KLHL32: variants seen among roughly 807,000 people sequenced by gnomAD.
The protein encoded by KLHL32 is kelch-like protein 32.
In KLHL32, 35 loss-of-function variants were observed where a neutral mutation model predicts 64.8. The ratio of observed to expected loss-of-function variants is 0.54; its 90% CI spans 0.41 to 0.72. KLHL32 has a LOEUF of 0.72. Ranked by LOEUF, KLHL32 falls within the 30% of genes least tolerant of loss-of-function variation. KLHL32 has a pLI of 0.00. For missense variants in KLHL32, 589 were observed against 768.5 expected (o/e 0.77, Z 2.76); for synonymous variants, 259 against 281.0 (o/e 0.92, Z 0.78).
chr6:97,118,316 A>G (rs965137964), intron 7 of KLHL32, among the ~76,000 whole-genome samples: 1 of 152,186 alleles, frequency 6.6e-6, no homozygotes, highest in Non-Finnish European at 1.5e-5. Context: ...TTTTACTTAC[A>G]TCTTGAGAAT....
intron 6 of KLHL32, among the ~76,000 whole-genome samples, chr6:97,092,617 G>C (rs985653351): frequency 2.6e-5 from 4 of 152,134 alleles, no homozygotes; most frequent in Non-Finnish European, 5.9e-5. Flanking sequence ...TATCCTTTGA[G>C]GGGCCCCTAG....
the KLHL32 span, among the ~76,000 whole-genome samples, chr6:96,905,681 C>A: frequency 6.6e-6 from 1 of 152,130 alleles, no homozygotes; most frequent in Admixed American, 6.5e-5. Flanking sequence ...AGTAAACATT[C>A]AAAAACTATT....
the KLHL32 span, among the ~76,000 whole-genome samples, chr6:96,917,199 T>A: frequency 6.6e-6 from 1 of 152,206 alleles, no homozygotes; most frequent in East Asian, 1.9e-4. Flanking sequence ...CAAACAAAAT[T>A]AAATGCTGGG....
intron 3 of KLHL32, among the ~76,000 whole-genome samples, chr6:97,017,531 A>G (rs572230086): frequency 6.6e-6 from 1 of 152,352 alleles, no homozygotes; most frequent in Non-Finnish European, 1.5e-5. Context: ...GGAAAAAAGG[A>G]TGGAAGACAG....
chr6:97,003,082 C>T (rs931460704), intron 3 of KLHL32, among the ~76,000 whole-genome samples: 2 of 152,140 alleles, frequency 1.3e-5, no homozygotes, highest in African/African-American at 4.8e-5. Flanking sequence ...AAGTTCTGTC[C>T]ACAATGGCTA....
intron 1 of KLHL32, among the ~76,000 whole-genome samples, chr6:96,933,026 G>A (rs1453410820): frequency 6.6e-6 from 1 of 152,188 alleles, no homozygotes; most frequent in East Asian, 1.9e-4. Flanking sequence ...GTTTGCAGAT[G>A]TGGGTGGAAT....
intron 7 of KLHL32, among the ~76,000 whole-genome samples, chr6:97,117,355 A>G (rs28589397): frequency 8.2e-4 from 125 of 152,274 alleles, no homozygotes; most frequent in Middle Eastern, 6.8e-3. Flanking sequence ...TGGGGGTAGT[A>G]TGGATTATAG....
intron 3 of KLHL32, among the ~76,000 whole-genome samples, chr6:96,983,499 T>A (rs116694214): frequency 0.046 from 6,766 of 148,532 alleles, no homozygotes; most frequent in Middle Eastern, 0.11. Context: ...AGCTGTGAAT[T>A]CATCTGGTGC....
At chr6:96,993,434 CAA>C (rs1204423388) in intron 3 of KLHL32, among the ~76,000 whole-genome samples, 1 of 152,180 alleles carries the variant, frequency 6.6e-6, no homozygotes. Context: ...CCTAAGAACA[CAA>C]GAGGACCAGC....
intron 1 of KLHL32, among the ~76,000 whole-genome samples, chr6:96,944,238 T>G (rs1329632109): frequency 6.6e-6 from 1 of 152,218 alleles, no homozygotes; most frequent in Non-Finnish European, 1.5e-5. Flanking sequence ...GAGGCATGCA[T>G]GAATTCAAGG....
chr6:96,915,040 G>A, the KLHL32 span: 1 of 152,088 alleles, frequency 6.6e-6, no homozygotes, highest in Non-Finnish European at 1.5e-5. Context: ...CCATTAAGAA[G>A]GTCAACCCTC....
At chr6:96,996,901 A>G (rs1045822278) in intron 3 of KLHL32, among the ~76,000 whole-genome samples, 1 of 152,134 alleles carries the variant, frequency 6.6e-6, no homozygotes, top group East Asian at 1.9e-4. Context: ...AGGGGCATGA[A>G]AAGTGGTTAA....
chr6:97,041,658 G>T, intron 4 of KLHL32, 59 bp downstream of exon 4: 1 of 981,542 alleles, frequency 1.0e-6, no homozygotes, highest in Non-Finnish European at 1.6e-6. Context: ...AACCAAAGGA[G>T]ATTATCCTTG....
chr6:96,923,668 G>GCA (rs1462418459), upstream of KLHL32, among the ~76,000 whole-genome samples: 4 of 152,162 alleles, frequency 2.6e-5, no homozygotes, highest in Non-Finnish European at 4.4e-5. Flanking sequence ...ATAGATCAGG[G>GCA]CACTGTTCCT....
intron 5 of KLHL32, among the ~76,000 whole-genome samples, chr6:97,082,982 T>C (rs1792802719): frequency 6.6e-6 from 1 of 152,210 alleles, no homozygotes; most frequent in Non-Finnish European, 1.5e-5. Context: ...TACTTTATTG[T>C]TCTTGCTCTC....
intron 3 of KLHL32, among the ~76,000 whole-genome samples, chr6:97,000,573 T>G (rs963868094): frequency 1.3e-5 from 2 of 152,242 alleles, no homozygotes; most frequent in African/African-American, 4.8e-5. Flanking sequence ...ATAAAATTTA[T>G]GATTTCCTTG....
intron 3 of KLHL32, among the ~76,000 whole-genome samples, chr6:96,980,601 A>G (rs982790406): frequency 6.6e-6 from 1 of 152,146 alleles, no homozygotes; most frequent in Non-Finnish European, 1.5e-5. Flanking sequence ...ATGTTCATCA[A>G]GGATACTGGC....
chr6:97,131,983 A>T (rs919054419), intron 9 of KLHL32, among the ~76,000 whole-genome samples: 1 of 152,144 alleles, frequency 6.6e-6, no homozygotes, highest in Non-Finnish European at 1.5e-5. Context: ...TCACTCTGTG[A>T]TGGCCTCCAG....
At chr6:97,056,063 G>A (rs1787813878) in intron 4 of KLHL32, among the ~76,000 whole-genome samples, 1 of 149,306 alleles carries the variant, frequency 6.7e-6, no homozygotes, top group South Asian at 2.1e-4. Flanking sequence ...ACAGCTTCGT[G>A]CAGCATAGCC....
Sources: allele counts gnomAD v4.1 joint callset (sites outside exome capture counted in the v4.1 genomes callset), GRCh38; gene constraint gnomAD v4.1.1; transcripts MANE v1.5; gene names NCBI Gene and HGNC (gene_info 2026-07-23, HGNC 2026-07-21).